The following TENM3 variants were observed in gnomAD, a reference collection of about 807,000 sequenced individuals.
The protein encoded by TENM3 is teneurin transmembrane protein 3.
A neutral mutation model predicts 255.1 loss-of-function variants in TENM3; 63 were observed. That is an observed-to-expected ratio of 0.25 (90% CI 0.20 to 0.30). The LOEUF (loss-of-function observed/expected upper bound fraction) is 0.30. Ranked by LOEUF, TENM3 falls within the 10% of genes least tolerant of loss-of-function variation. TENM3 has a pLI of 1.00. For synonymous variants in TENM3, 1,306 were observed against 1,322.3 expected, an observed-to-expected ratio of 0.99 and a Z score of 0.27; for missense variants, 2,929 against 3,461.1, an observed-to-expected ratio of 0.85 and a Z score of 3.86.
chr4:182,173,491 G>A (rs904322054), intron 1 of TENM3, among the ~76,000 whole-genome samples: 1 of 152,132 alleles, frequency 6.6e-6, no homozygotes, highest in African/African-American at 2.4e-5. Context: ...TTTCAATTAG[G>A]AACCAATAAA....
intron 3 of TENM3, among the ~76,000 whole-genome samples, chr4:182,388,315 T>C (rs1219854833): frequency 6.6e-6 from 1 of 152,182 alleles, no homozygotes; most frequent in African/African-American, 2.4e-5. Flanking sequence ...TTCTATTATG[T>C]TGTTTTTCTA....
the TENM3 span, among the ~76,000 whole-genome samples, chr4:181,719,345 C>T: frequency 2.0e-5 from 3 of 152,166 alleles, no homozygotes; most frequent in African/African-American, 7.2e-5. Flanking sequence ...GTTGAAAGGG[C>T]TTGGATACTA....
intron 1 of TENM3, among the ~76,000 whole-genome samples, chr4:182,178,987 C>T (rs554565804): frequency 4.6e-5 from 7 of 152,104 alleles, no homozygotes; most frequent in Admixed American, 2.0e-4. Context: ...CTGTTTTCAA[C>T]GAATTCCTTT....
chr4:181,798,304 A>C, the TENM3 span, among the ~76,000 whole-genome samples: 1 of 151,668 alleles, frequency 6.6e-6, no homozygotes, highest in South Asian at 2.1e-4. Flanking sequence ...TTTATTTTTT[A>C]TTTATTTATT....
chr4:181,913,320 G>C, the TENM3 span, among the ~76,000 whole-genome samples: 3 of 152,326 alleles, frequency 2.0e-5, no homozygotes, highest in East Asian at 5.8e-4. Flanking sequence ...GGTCCTGTTG[G>C]AAGTAAATGC....
the TENM3 span, among the ~76,000 whole-genome samples, chr4:181,605,822 A>C: frequency 6.6e-6 from 1 of 152,176 alleles, no homozygotes; most frequent in African/African-American, 2.4e-5. Context: ...TTAGCAGTTA[A>C]AATCTTTTGA....
At chr4:182,049,067 A>G in the TENM3 span, among the ~76,000 whole-genome samples, 51 of 152,226 alleles carry the variant, frequency 3.4e-4, no homozygotes, top group South Asian at 6.2e-4. Context: ...GGAGTCAGGC[A>G]GCAGCTGGTA....
At chr4:181,684,735 GTGTC>G in the TENM3 span, among the ~76,000 whole-genome samples, 1 of 151,922 alleles carries the variant, frequency 6.6e-6, no homozygotes, top group African/African-American at 2.4e-5. Context: ...ACTTACATTA[GTGTC>G]TGTTTTTTGT....
the TENM3 span, among the ~76,000 whole-genome samples, chr4:181,822,388 G>A: frequency 0.019 from 2,850 of 152,270 alleles, 57 homozygotes; most frequent in Middle Eastern, 0.071. Flanking sequence ...AGTATTTGCC[G>A]TAAGAGTCAC....
At chr4:182,211,897 G>A (rs1755066233) in intron 1 of TENM3, among the ~76,000 whole-genome samples, 1 of 152,152 alleles carries the variant, frequency 6.6e-6, no homozygotes, top group Admixed American at 6.5e-5. Context: ...ATAGGAGGTA[G>A]AACACTTAAC....
intron 1 of TENM3, among the ~76,000 whole-genome samples, chr4:182,287,738 C>A (rs959787428): frequency 6.7e-6 from 1 of 150,328 alleles, no homozygotes; most frequent in East Asian, 2.0e-4. Flanking sequence ...CTCAGCCTCC[C>A]GAGTAGCTGG....
chr4:181,677,797 G>A, the TENM3 span, among the ~76,000 whole-genome samples: 1 of 151,952 alleles, frequency 6.6e-6, no homozygotes, highest in African/African-American at 2.4e-5. Flanking sequence ...TTTCATACTC[G>A]CACCTTCCTC....
chr4:181,548,877 A>T, the TENM3 span, among the ~76,000 whole-genome samples: 23 of 152,232 alleles, frequency 1.5e-4, no homozygotes, highest in African/African-American at 5.5e-4. Context: ...ACAGGAGGCA[A>T]ATATGCAAGT....
chr4:181,562,761 G>A, the TENM3 span, among the ~76,000 whole-genome samples: 1 of 150,700 alleles, frequency 6.6e-6, no homozygotes, highest in African/African-American at 2.4e-5. Context: ...TGCAACCTCT[G>A]CCTCCTGGGT....
intron 3 of TENM3, among the ~76,000 whole-genome samples, chr4:182,380,156 G>A (rs4862053): frequency 0.99 from 150,928 of 152,312 alleles, 74,793 homozygotes; most frequent in Middle Eastern, 1. Context: ...CTGTAATCCC[G>A]GCTACTCTCG....
intron 3 of TENM3, among the ~76,000 whole-genome samples, chr4:182,471,431 G>GTATATT (rs1292342757): frequency 9.9e-5 from 15 of 152,174 alleles, no homozygotes; most frequent in South Asian, 2.1e-4. Flanking sequence ...AGGCTGTATG[G>GTATATT]TATAGCCTGT....
Position 182,628,585 on chromosome 4 carries a change from C to T in TENM3, c.750-66C>T, listed in dbSNP as rs568923169. 5.8e-6 allele frequency: 6 copies of T among 1,034,248 alleles called. 1 individual carries two copies. The highest frequency in any genetic ancestry group is 5.2e-5 in the East Asian group (2 of 38,352). The allele number at this position is 1,034,248 out of a possible 1,614,324, so 64.1% of individuals were successfully genotyped here. ...AAAGAGACAGGAGAGCTAAATGCATCGCTGTCTCTTGTCTCTTGTATCGTA... is the reference window on the plus strand; with the variant it reads ...AAAGAGACAGGAGAGCTAAATGCATTGCTGTCTCTTGTCTCTTGTATCGTA... On this transcript the variant is annotated intron_variant, in intron 4 of 27. Coordinates refer to ENST00000511685, the MANE Select transcript of TENM3 (RefSeq NM_001080477.4).
At chr4:181,605,574 G>GA in the TENM3 span, among the ~76,000 whole-genome samples, 7 of 22,030 alleles carry the variant, frequency 3.2e-4, no homozygotes, top group Non-Finnish European at 2.4e-4. Flanking sequence ...AAGAAAGAGA[G>GA]AGAAAGAAAG....
chr4:182,406,825 C>G (rs1769613554), intron 3 of TENM3, among the ~76,000 whole-genome samples: 1 of 152,182 alleles, frequency 6.6e-6, no homozygotes, highest in Non-Finnish European at 1.5e-5. Context: ...TCCATTTCCA[C>G]GAACAAAAAT....
Sources: gnomAD v4.1 joint callset for allele counts (sites outside exome capture counted in the v4.1 genomes callset) on GRCh38, gnomAD v4.1.1 for gene constraint, MANE v1.5 for transcripts, NCBI Gene and HGNC (gene_info 2026-07-23, HGNC 2026-07-21) for gene names.